The following NUF2 variants were observed in gnomAD, a reference collection of about 807,000 sequenced individuals.
NUF2 encodes the protein NUF2 component of NDC80 kinetochore complex.
NUF2 carries 34 observed loss-of-function variants against 61.8 expected under a neutral mutation model. That is an observed-to-expected ratio of 0.55 (90% CI 0.42 to 0.73). The LOEUF is 0.73. NUF2 is among the 30% of genes least tolerant of loss of function. NUF2 has a pLI of 0.00. For missense variants in NUF2, 445 were observed against 539.1 expected, an observed-to-expected ratio of 0.83 and a Z score of 1.73; for synonymous variants, 172 against 181.6, an observed-to-expected ratio of 0.95 and a Z score of 0.42.
chr1:163,348,978 T>C lies in NUF2; in HGVS notation c.1158T>C (p.Ala386=), dbSNP rs1286984901. Residue 386 remains alanine, a synonymous_variant, in exon 13 of 14, where the codon GCT becomes GCC. Transcript: ENST00000271452. ...DCNKVQEKRG[A]VYERVTTINQ... Reference sequence around the variant, plus strand: ...ATAAAGTTCAAGAAAAAAGAGGTGCTGTCTATGAACGAGTAACCACAATTA... The same window carrying C: ...ATAAAGTTCAAGAAAAAAGAGGTGCCGTCTATGAACGAGTAACCACAATTA... 1 of 1,607,988 alleles carries C rather than the reference T, an allele frequency of 6.2e-7. No homozygotes were observed. Among genetic ancestry groups the C allele is most frequent in the Admixed American group, 1.7e-5 (1 of 58,420 alleles).
chr1:163,328,970 A>G, intron 5 of NUF2, 63 bp downstream of exon 5: 1 of 761,008 alleles, frequency 1.3e-6, no homozygotes, highest in Non-Finnish European at 2.0e-6. Context: ...CCTTTCCATC[A>G]GTAAATGTAA....
intron 13 of NUF2, among the ~76,000 whole-genome samples, chr1:163,351,321 C>T (rs1300680005): frequency 1.3e-5 from 2 of 152,166 alleles, no homozygotes; most frequent in East Asian, 3.8e-4. Flanking sequence ...AGTTAAAGGA[C>T]TCCTGTCTTT....
intron 13 of NUF2, among the ~76,000 whole-genome samples, chr1:163,353,456 T>A (rs754798544): frequency 6.6e-6 from 1 of 152,230 alleles, no homozygotes; most frequent in Non-Finnish European, 1.5e-5. Context: ...CATGTGGCTA[T>A]TGAGTCCTTG....
chr1:163,352,530 T>C (rs1651355730), intron 13 of NUF2, among the ~76,000 whole-genome samples: 1 of 152,164 alleles, frequency 6.6e-6, no homozygotes, highest in Non-Finnish European at 1.5e-5. Context: ...AGAGAGTAAG[T>C]TGTGAACAAG....
Position 163,328,910 on chromosome 1 carries a change from A to T in NUF2, c.337+3A>T. The T allele has an allele frequency of 6.3e-7, 1 of 1,578,932 alleles. No individual in the cohort carries two copies. The highest frequency in any genetic ancestry group is 8.7e-7 in the Non-Finnish European group (1 of 1,149,562). ...GACTGCTGATATTCTATGTCCAAGTAAGTGAGAATTTAAAACAGTTTTAAT... is the reference window on the plus strand; with the variant it reads ...GACTGCTGATATTCTATGTCCAAGTTAGTGAGAATTTAAAACAGTTTTAAT... On this transcript the variant is annotated splice_donor_region_variant and intron_variant, in intron 5 of 13. Coordinates refer to ENST00000271452, the MANE Select transcript of NUF2 (RefSeq NM_145697.3).
chr1:163,326,284 A>G, intron 2 of NUF2, 110 bp downstream of exon 2: 1 of 927,190 alleles, frequency 1.1e-6, no homozygotes, highest in Non-Finnish European at 1.6e-6. Flanking sequence ...GATGGAGACC[A>G]GTCATTTTCA....
chr1:163,349,834 A>G (rs1217098485), intron 13 of NUF2, among the ~76,000 whole-genome samples: 1 of 152,148 alleles, frequency 6.6e-6, no homozygotes, highest in Admixed American at 6.5e-5. Flanking sequence ...GGGAAACTGG[A>G]AGGAAAAGAA....
rs1450403329 is a variant in NUF2, at chr1:163,353,574, G to A, written c.1261-1761G>A. Among the ~76,000 whole-genome samples, 7 of 152,018 alleles carry A rather than the reference G, an allele frequency of 4.6e-5. No individual in the cohort carries two copies. In the East Asian group the frequency reaches 5.8e-4, roughly 13 times the overall value. ...CATGTGTCTAGTGGTTGCTGTATTCGACAGTACAGAACTAGCCTTTGACTT... is the reference window on the plus strand; with the variant it reads ...CATGTGTCTAGTGGTTGCTGTATTCAACAGTACAGAACTAGCCTTTGACTT... On this transcript the variant is annotated intron_variant, in intron 13 of 13. Coordinates refer to ENST00000271452, the MANE Select transcript of NUF2 (RefSeq NM_145697.3).
chr1:163,352,229 A>C (rs764864194), intron 13 of NUF2, among the ~76,000 whole-genome samples: 4 of 152,214 alleles, frequency 2.6e-5, no homozygotes, highest in Non-Finnish European at 5.9e-5. Context: ...ATACATGTAC[A>C]TAGCCCTTCA....
chr1:163,349,677 C>G (rs1221785776), intron 13 of NUF2, among the ~76,000 whole-genome samples: 1 of 152,164 alleles, frequency 6.6e-6, no homozygotes, highest in African/African-American at 2.4e-5. Context: ...TTAATACTAA[C>G]AGAGCCACAG....
At position 163,349,769 on chromosome 1, in the gene NUF2, T is replaced by G. The variant is rs1033449181; in HGVS notation, c.1260+689T>G. ...AGCACTTGCACATGTGAGCATTATC[T>G]TAAGGCTACTTTAAAAGGAAGGAAA... is the stretch of plus-strand genomic sequence containing the variant. On this transcript the variant is annotated intron_variant, in intron 13 of 13. Coordinates refer to ENST00000271452, the MANE Select transcript of NUF2 (RefSeq NM_145697.3). 8.3e-4 allele frequency among the ~76,000 whole-genome samples: 127 copies of G among 152,118 alleles called. 2 individuals are homozygous for G. Among genetic ancestry groups the G allele is most frequent in the African/African-American group, 3.0e-3 (126 of 41,414 alleles).
intron 5 of NUF2, 88 bp downstream of exon 5, chr1:163,328,995 G>GA: frequency 4.9e-6 from 3 of 609,130 alleles, no homozygotes; most frequent in Admixed American, 3.1e-5. Context: ...AAAAAAAAAG[G>GA]AAAAAAACAA....
At chr1:163,325,663 G>A (rs982348978) in intron 1 of NUF2, among the ~76,000 whole-genome samples, 8 of 152,012 alleles carry the variant, frequency 5.3e-5, no homozygotes, top group Admixed American at 2.0e-4. Context: ...TTGCCTATAT[G>A]CCTTGCTTTG....
chr1:163,347,042 A>C (rs1387589843), intron 11 of NUF2, among the ~76,000 whole-genome samples: 1 of 152,164 alleles, frequency 6.6e-6, no homozygotes, highest in Non-Finnish European at 1.5e-5. Context: ...GGATAAGGGG[A>C]ACTACTGTCA....
chr1:163,346,851 G>GCA (rs35665071), intron 11 of NUF2, among the ~76,000 whole-genome samples: 20,428 of 151,424 alleles, frequency 0.13, 1,623 homozygotes, highest in Non-Finnish European at 0.17. Context: ...CATCTGAAAA[G>GCA]CACACACACA....
chr1:163,323,944 C>G (rs1245497656), intron 1 of NUF2, among the ~76,000 whole-genome samples: 3 of 150,356 alleles, frequency 2.0e-5, no homozygotes, highest in Non-Finnish European at 4.4e-5. Flanking sequence ...TGATGAAGTT[C>G]TTGGAGTTTC....
chr1:163,338,153 GT>G (rs1650825720), intron 7 of NUF2, 60 bp downstream of exon 7: 38 of 1,338,588 alleles, frequency 2.8e-5, no homozygotes, highest in Non-Finnish European at 4.0e-5. Flanking sequence ...TGAATTGTAA[GT>G]AGTATTTTAC....
chr1:163,322,722 T>G (rs983727595), intron 1 of NUF2: 13 of 152,238 alleles, frequency 8.5e-5, no homozygotes, highest in African/African-American at 3.1e-4. Flanking sequence ...CAGAGTACTT[T>G]TAGTACCTAC....
chr1:163,342,049 A>T (rs1215103237), intron 9 of NUF2, among the ~76,000 whole-genome samples: 2 of 152,256 alleles, frequency 1.3e-5, no homozygotes, highest in Non-Finnish European at 2.9e-5. Flanking sequence ...AGTAAAATTT[A>T]TAGATACGGC....
Sources: allele counts gnomAD v4.1 joint callset (sites outside exome capture counted in the v4.1 genomes callset), GRCh38; gene constraint gnomAD v4.1.1; transcripts MANE v1.5; gene names NCBI Gene and HGNC (gene_info 2026-07-23, HGNC 2026-07-21).